The following SAXO1 variants were observed in gnomAD, a reference collection of about 807,000 sequenced individuals.
The protein encoded by SAXO1 is stabilizer of axonemal microtubules 1, also known as 4930500O09Rik.
Under a neutral mutation model 17.5 loss-of-function variants are expected in SAXO1, and 21 were observed. The observed-to-expected ratio is 1.20, with a 90% CI of 0.85 to 1.72. The LOEUF is 1.72. Among genes scored for constraint, SAXO1 ranks in the 40% most tolerant of loss-of-function variants. SAXO1 has a pLI of 0.00. For synonymous variants in SAXO1, 274 were observed against 216.5 expected (o/e 1.27, Z -2.33); for missense variants, 843 against 596.0 (o/e 1.41, Z -4.32).
At chr9:18,992,177 C>G (rs535302610) in intron 1 of SAXO1, among the ~76,000 whole-genome samples, 2 of 152,294 alleles carry the variant, frequency 1.3e-5, no homozygotes, top group African/African-American at 4.8e-5. Flanking sequence ...GCTGCCATAA[C>G]AAAGTCTCAG....
In SAXO1 at chr9:18,928,484, G is replaced by A. The variant is rs377104678; in HGVS notation, c.993C>T (p.Cys331=). ...SCRPALQIKK[C]GRFEGSSTTK... is the part of the protein sequence containing the mutation. ...TGGTGGAAGAGCCTTCAAAGCGACC[G>A]CACTTCTTAATCTGAAGTGCAGGTC... The change falls in exon 4 of 4, where the codon TGC becomes TGT. Residue 331 remains cysteine, a synonymous_variant. Transcript: ENST00000380534. 1.5e-5 allele frequency: 24 copies of A among 1,613,364 alleles called. No individual in the cohort carries two copies. The Middle Eastern group carries it at 5.0e-4, about 33-fold the overall frequency.
chr9:18,967,822 T>C (rs764599878), intron 1 of SAXO1, among the ~76,000 whole-genome samples: 34 of 151,670 alleles, frequency 2.2e-4, no homozygotes, highest in Non-Finnish European at 4.7e-4. Context: ...GCTAGCTCGG[T>C]GTCTGCCCAA....
intron 1 of SAXO1, among the ~76,000 whole-genome samples, chr9:18,954,341 A>ATT (rs5896827): frequency 8.1e-5 from 12 of 148,052 alleles, no homozygotes; most frequent in Admixed American, 2.7e-4. Flanking sequence ...GAATCACAGA[A>ATT]TTTTTTTTTT....
At chr9:18,935,466 A>T (rs1020522350) in intron 3 of SAXO1, among the ~76,000 whole-genome samples, 1 of 152,186 alleles carries the variant, frequency 6.6e-6, no homozygotes, top group Non-Finnish European at 1.5e-5. Flanking sequence ...AAGTTGATAG[A>T]TGGGCTCCTC....
intron 2 of SAXO1, among the ~76,000 whole-genome samples, chr9:18,948,219 T>C (rs1831875101): frequency 6.6e-6 from 1 of 152,212 alleles, no homozygotes; most frequent in Non-Finnish European, 1.5e-5. Flanking sequence ...AATTTTGTTC[T>C]CGGTCTATGA....
chr9:19,041,575 A>G (rs1836081152), intron 1 of SAXO1, among the ~76,000 whole-genome samples: 1 of 152,230 alleles, frequency 6.6e-6, no homozygotes, highest in African/African-American at 2.4e-5. Context: ...CCAAAACAGC[A>G]TGGTACTAGC....
At chr9:18,999,152 C>A (rs547824188) in intron 1 of SAXO1, among the ~76,000 whole-genome samples, 33 of 152,366 alleles carry the variant, frequency 2.2e-4, no homozygotes, top group Middle Eastern at 6.8e-3. Flanking sequence ...TTAAAAGACA[C>A]AGACTGGCAA....
chr9:19,041,531 C>T (rs1205431022), intron 1 of SAXO1, among the ~76,000 whole-genome samples: 1 of 152,162 alleles, frequency 6.6e-6, no homozygotes, highest in Non-Finnish European at 1.5e-5. Flanking sequence ...AATCACATTA[C>T]CTGACCTCCA....
In SAXO1 at chr9:18,929,014, G is replaced by A. The variant is rs534655135; in HGVS notation, c.463C>T (p.Arg155Cys). 28 of 1,614,074 alleles carry A rather than the reference G, an allele frequency of 1.7e-5. No individual in the cohort carries two copies. The highest frequency in any genetic ancestry group is 3.3e-5 in the South Asian group (3 of 91,088). ...GCCGGCTGGTATTTGTGTTCCAGACGAAGTGGCTCTCGCCTTGGTTGGTTC... is the reference window on the plus strand; with the variant it reads ...GCCGGCTGGTATTTGTGTTCCAGACAAAGTGGCTCTCGCCTTGGTTGGTTC... The part of the protein sequence containing the change: ...PWNQPRREPL[R>C]LEHKYQPASV... The change falls in exon 4 of 4, where the codon CGT (arginine) becomes TGT (cysteine). Residue 155 changes from arginine (R) to cysteine (C), a missense_variant. Coordinates refer to ENST00000380534, the MANE Select transcript of SAXO1 (RefSeq NM_153707.4).
At chr9:19,023,493 G>A (rs1056804923) in intron 1 of SAXO1, among the ~76,000 whole-genome samples, 1 of 152,132 alleles carries the variant, frequency 6.6e-6, no homozygotes. Context: ...AAACTTCACT[G>A]TGAAATGGTT....
intron 1 of SAXO1, among the ~76,000 whole-genome samples, chr9:18,985,176 A>AT (rs1833544992): frequency 6.6e-6 from 1 of 152,104 alleles, no homozygotes; most frequent in Non-Finnish European, 1.5e-5. Context: ...GAACACACAC[A>AT]TATTTATCAG....
chr9:18,947,957 C>T (rs1220193309), intron 2 of SAXO1, among the ~76,000 whole-genome samples: 7 of 152,200 alleles, frequency 4.6e-5, no homozygotes. Flanking sequence ...GACCACGTGA[C>T]TTTTTCATTC....
In SAXO1 at chr9:18,928,960, G is replaced by T. The variant is rs1388251915; in HGVS notation, c.517C>A (p.His173Asn). The change falls in exon 4 of 4, where the codon CAC (histidine) becomes AAC (asparagine). Residue 173 changes from histidine (H) to asparagine (N), a missense_variant. Physicochemically the swap from His to Asn is moderately conservative, Grantham distance 68 (BLOSUM62 1). Coordinates refer to ENST00000380534, the MANE Select transcript of SAXO1 (RefSeq NM_153707.4). ...ASVRFDNRTT[H>N]QDDYPIKGLV... ...CCTTTTATGGGGTAATCGTCCTGGT[G>T]TGTGGTTCTGTTATCAAACCTGACT... 6.2e-7 allele frequency: 1 copy of T among 1,614,216 alleles called. No individual in the cohort carries two copies. The highest frequency in any genetic ancestry group is 1.7e-5 in the Admixed American group (1 of 60,030).
intron 1 of SAXO1, among the ~76,000 whole-genome samples, chr9:19,019,168 G>C (rs1408804266): frequency 7.9e-5 from 12 of 152,080 alleles, no homozygotes; most frequent in Admixed American, 7.9e-4. Context: ...AGTGCATATG[G>C]ATCTCAGCTT....
Position 19,027,295 on chromosome 9 carries a change from TG to T in SAXO1, c.38+5575del. ...GAAAAGCTAAAGCCAGGAGACCTGG[TG>T]GGTGTGAACAAAGACTCCTATCCAA... On this transcript the variant is annotated intron_variant, in intron 1 of 3. Transcript: ENST00000380534. The T allele has an allele frequency of 4.6e-6, 4 of 869,700 alleles. No homozygotes were observed. In the South Asian group the frequency reaches 5.2e-5, roughly 11 times the overall value. 53.9% of individuals were successfully genotyped at this position (869,700 alleles called of 1,614,324 possible). A position where few individuals can be genotyped will look rare whatever the true frequency, so the allele number is the denominator to read the frequency against.
intron 1 of SAXO1, among the ~76,000 whole-genome samples, chr9:19,028,442 T>G (rs1835609465): frequency 6.6e-6 from 1 of 152,166 alleles, no homozygotes; most frequent in African/African-American, 2.4e-5. Context: ...CTGGAGATAA[T>G]CAGATGCAAT....
rs564351343 is a variant in SAXO1, at chr9:18,940,701, T to C, written c.421+936A>G. ...TTGATTACAAACCTGGTCTCCAGTC[T>C]CATGGTCTCAGTCTTTGCAGCTGAG... On this transcript the variant is annotated intron_variant, in intron 3 of 3. Transcript: ENST00000380534. Among the ~76,000 whole-genome samples, 39 of 152,336 alleles carry C rather than the reference T, an allele frequency of 2.6e-4. 1 individual carries two copies. The South Asian group carries it at 7.7e-3, about 30-fold the overall frequency.
At chr9:18,978,060 G>A (rs896668205) in intron 1 of SAXO1, among the ~76,000 whole-genome samples, 1 of 144,900 alleles carries the variant, frequency 6.9e-6, no homozygotes, top group East Asian at 2.1e-4. Context: ...GGTGGAACTA[G>A]ATCTTATCAT....
chr9:19,028,975 T>C (rs1835638630), intron 1 of SAXO1, among the ~76,000 whole-genome samples: 1 of 152,116 alleles, frequency 6.6e-6, no homozygotes, highest in Admixed American at 6.5e-5. Flanking sequence ...ACTCCAAAGG[T>C]TTTGCTTTTC....
Sources: gnomAD v4.1 joint callset for allele counts (sites outside exome capture counted in the v4.1 genomes callset) on GRCh38, gnomAD v4.1.1 for gene constraint, MANE v1.5 for transcripts, NCBI Gene and HGNC (gene_info 2026-07-23, HGNC 2026-07-21) for gene names.